Variants in GRIK4 observed in about 807,000 individuals in gnomAD.
The protein encoded by GRIK4 is glutamate ionotropic receptor kainate type subunit 4.
In GRIK4, 40 loss-of-function variants were observed where a neutral mutation model predicts 104.9. The observed-to-expected ratio is 0.38, with a 90% CI of 0.30 to 0.50. The LOEUF (loss-of-function observed/expected upper bound fraction) is 0.50, where lower values mean the gene tolerates loss of function less well. Among genes scored for constraint, GRIK4 ranks in the 20% least tolerant of loss-of-function variants. GRIK4 has a pLI of 0.93. For synonymous variants in GRIK4, 485 were observed against 524.9 expected, an observed-to-expected ratio of 0.92 and a Z score of 1.04; for missense variants, 1,047 against 1,308.1, an observed-to-expected ratio of 0.80 and a Z score of 3.08.
intron 5 of GRIK4, among the ~76,000 whole-genome samples, chr11:120,817,143 C>T (rs1565370145): frequency 6.6e-6 from 1 of 152,168 alleles, no homozygotes; most frequent in Admixed American, 6.5e-5. Context: ...TTCCTCCTCT[C>T]TCCCTTCTCC....
intron 1 of GRIK4, among the ~76,000 whole-genome samples, chr11:120,567,021 A>G (rs1948336181): frequency 8.6e-6 from 1 of 116,722 alleles, no homozygotes; most frequent in Admixed American, 1.2e-4. Flanking sequence ...GTGTTGGCCT[A>G]GCTGGAGTGT....
At chr11:120,973,262 G>A (rs76441074) in intron 19 of GRIK4, among the ~76,000 whole-genome samples, 2,853 of 152,278 alleles carry the variant, frequency 0.019, 46 homozygotes, top group Non-Finnish European at 0.03. Context: ...GGAAGACTGT[G>A]CTGACAGTAG....
chr11:120,979,934 G>GGA (rs1944623634), intron 19 of GRIK4, among the ~76,000 whole-genome samples: 1 of 151,922 alleles, frequency 6.6e-6, no homozygotes, highest in Admixed American at 6.6e-5. Context: ...TCTTGGGTTC[G>GGA]AGTGATTCTC....
intron 13 of GRIK4, among the ~76,000 whole-genome samples, chr11:120,907,780 G>A (rs1942901790): frequency 6.6e-6 from 1 of 152,148 alleles, no homozygotes; most frequent in African/African-American, 2.4e-5. Flanking sequence ...GGCTGTAGGG[G>A]GAAGGCTTCC....
chr11:120,788,830 C>T (rs531195154), intron 3 of GRIK4, among the ~76,000 whole-genome samples: 1 of 151,890 alleles, frequency 6.6e-6, no homozygotes, highest in East Asian at 1.9e-4. Context: ...CCCAGACCGG[C>T]TGCTTGGCTC....
At chr11:120,833,776 C>T (rs886167867) in intron 7 of GRIK4, among the ~76,000 whole-genome samples, 2 of 150,036 alleles carry the variant, frequency 1.3e-5, no homozygotes, top group Non-Finnish European at 3.0e-5. Context: ...ATTTTGATGT[C>T]TGTTTTTTTC....
intron 1 of GRIK4, among the ~76,000 whole-genome samples, chr11:120,599,919 G>C (rs1591726869): frequency 6.6e-6 from 1 of 152,244 alleles, no homozygotes. Flanking sequence ...AAAGGCTTTT[G>C]GTGTCTCTTG....
intron 11 of GRIK4, among the ~76,000 whole-genome samples, chr11:120,891,126 A>G (rs1955277957): frequency 6.6e-6 from 1 of 152,202 alleles, no homozygotes. Context: ...GTGAGCAGGC[A>G]GGATTGCCAG....
Position 120,956,709 on chromosome 11 carries a change from C to A in GRIK4, c.1701-71C>A. ...GGCCGGTCTCAGAGGTGAGACCAGC[C>A]AGGAGAGCCTGCCTGTGTCCCTTCA... On this transcript the variant is annotated intron_variant, in intron 15 of 20. Transcript: ENST00000527524. This position sits in a 1 kb window ranked among gnomAD's most constrained non-coding sequence, Gnocchi z 4.6. 1 of 1,223,960 alleles carries A rather than the reference C, an allele frequency of 8.2e-7. No homozygotes were observed. Among genetic ancestry groups the A allele is most frequent in the Non-Finnish European group, 1.1e-6 (1 of 908,956 alleles). 75.8% of individuals were successfully genotyped at this position (1,223,960 alleles called of 1,614,324 possible).
chr11:120,733,474 T>C (rs2135395599), intron 3 of GRIK4, among the ~76,000 whole-genome samples: 1 of 152,172 alleles, frequency 6.6e-6, no homozygotes, highest in Non-Finnish European at 1.5e-5. Flanking sequence ...TTGCTTTTTA[T>C]TTTTTGTGTA....
intron 11 of GRIK4, among the ~76,000 whole-genome samples, chr11:120,885,539 C>T (rs996153066): frequency 7.9e-5 from 12 of 152,282 alleles, no homozygotes; most frequent in African/African-American, 2.9e-4. Context: ...GCGCCTACCA[C>T]CACGGCTGGC....
chr11:120,965,685 G>A (rs1364368355), intron 18 of GRIK4, among the ~76,000 whole-genome samples: 1 of 152,202 alleles, frequency 6.6e-6, no homozygotes, highest in African/African-American at 2.4e-5. Context: ...AGAGATCTGG[G>A]AGATGTTCTA....
At chr11:120,915,088 C>CTGGGA in intron 13 of GRIK4, among the ~76,000 whole-genome samples, 1 of 152,250 alleles carries the variant, frequency 6.6e-6, no homozygotes, top group Non-Finnish European at 1.5e-5. Flanking sequence ...CTGTTTGACC[C>CTGGGA]TGGGAAGGTC....
At chr11:120,955,540 C>T (rs1030764512) in intron 15 of GRIK4, among the ~76,000 whole-genome samples, 1 of 152,138 alleles carries the variant, frequency 6.6e-6, no homozygotes, top group African/African-American at 2.4e-5. Flanking sequence ...CAAGATGGGC[C>T]GGGGCTGCAA....
At chr11:120,655,659 T>C (rs1023295707) in intron 2 of GRIK4, among the ~76,000 whole-genome samples, 1 of 152,176 alleles carries the variant, frequency 6.6e-6, no homozygotes, top group Non-Finnish European at 1.5e-5. Flanking sequence ...TGTCTGTGCT[T>C]GGACAGCCGG....
intron 1 of GRIK4, among the ~76,000 whole-genome samples, chr11:120,588,800 C>G (rs1701795446): frequency 6.6e-6 from 1 of 152,148 alleles, no homozygotes; most frequent in Admixed American, 6.5e-5. Context: ...GTAGCACGCC[C>G]TGTAGCCCCC....
intron 8 of GRIK4, among the ~76,000 whole-genome samples, chr11:120,851,170 G>A (rs1034666937): frequency 6.6e-6 from 1 of 152,120 alleles, no homozygotes; most frequent in African/African-American, 2.4e-5. Context: ...TTCAGTGGCT[G>A]TCTCCCCATT....
At chr11:120,917,904 TATTA>T (rs1943146633) in intron 13 of GRIK4, among the ~76,000 whole-genome samples, 1 of 152,228 alleles carries the variant, frequency 6.6e-6, no homozygotes, top group Non-Finnish European at 1.5e-5. Flanking sequence ...AATGAAAATG[TATTA>T]ATTAAGGCAT....
chr11:120,571,344 T>C (rs1948395592), intron 1 of GRIK4, among the ~76,000 whole-genome samples: 1 of 152,258 alleles, frequency 6.6e-6, no homozygotes, highest in East Asian at 1.9e-4. Flanking sequence ...CACCCTGCAC[T>C]CTGGCTGGTT....
Sources: allele counts gnomAD v4.1 joint callset (sites outside exome capture counted in the v4.1 genomes callset), GRCh38; gene constraint gnomAD v4.1.1; non-coding constraint Gnocchi (gnomAD v3.1); transcripts MANE v1.5; gene names NCBI Gene and HGNC (gene_info 2026-07-23, HGNC 2026-07-21).